RNGTT: variants seen among roughly 807,000 people sequenced by gnomAD.
The protein encoded by RNGTT is RNA guanylyltransferase and 5'-phosphatase.
A neutral mutation model predicts 79.3 loss-of-function variants in RNGTT; 33 were observed. That is an observed-to-expected ratio of 0.42 (90% CI 0.32 to 0.56). The LOEUF is 0.56. RNGTT is among the 20% of genes least tolerant of loss of function. The pLI, the probability that RNGTT is intolerant of heterozygous loss-of-function variation, is 0.17. For synonymous variants in RNGTT, 222 were observed against 235.9 expected (o/e 0.94, Z 0.54); for missense variants, 497 against 739.1 (o/e 0.67, Z 3.80).
At chr6:88,716,148 T>C (rs1776503661) in intron 13 of RNGTT, among the ~76,000 whole-genome samples, 1 of 151,886 alleles carries the variant, frequency 6.6e-6, no homozygotes, top group East Asian at 1.9e-4. Context: ...CATCAAAAAG[T>C]GGGCAAAGGA....
chr6:88,724,096 A>G (rs1315667526), intron 13 of RNGTT, among the ~76,000 whole-genome samples: 2 of 152,228 alleles, frequency 1.3e-5, no homozygotes, highest in African/African-American at 2.4e-5. Flanking sequence ...AAAAGTTTGT[A>G]AAGTAAAAAA....
At chr6:88,808,681 A>AG (rs1303582326) in intron 11 of RNGTT, among the ~76,000 whole-genome samples, 1 of 152,196 alleles carries the variant, frequency 6.6e-6, no homozygotes, top group Non-Finnish European at 1.5e-5. Flanking sequence ...GGGCAGAAGC[A>AG]GGCAGATAGC....
At chr6:88,950,047 TGAAAATACTAGGGCCCTTAA>T (rs1785189277) in intron 1 of RNGTT, among the ~76,000 whole-genome samples, 1 of 150,158 alleles carries the variant, frequency 6.7e-6, no homozygotes, top group Admixed American at 6.6e-5. Context: ...TTTACCATTC[TGAAAATACTAGGGCCCTTAA>T]GAATTATGCT....
chr6:88,959,105 G>A (rs1038498580), intron 1 of RNGTT, among the ~76,000 whole-genome samples: 1 of 152,114 alleles, frequency 6.6e-6, no homozygotes, highest in African/African-American at 2.4e-5. Context: ...AAGTAACTCA[G>A]GAATGGAAAC....
chr6:88,948,325 C>G (rs1454202806), intron 1 of RNGTT, among the ~76,000 whole-genome samples: 2 of 81,164 alleles, frequency 2.5e-5, no homozygotes, highest in Admixed American at 2.4e-4. Context: ...GTCAGCCCCC[C>G]GCCTGGCCAG....
chr6:88,622,894 T>G (rs576037611), intron 14 of RNGTT, among the ~76,000 whole-genome samples: 1 of 152,262 alleles, frequency 6.6e-6, no homozygotes, highest in African/African-American at 2.4e-5. Flanking sequence ...CTTTGGAATG[T>G]AGTCTAGTGT....
At chr6:88,917,042 CA>C (rs1293021735) in intron 4 of RNGTT, among the ~76,000 whole-genome samples, 1 of 152,216 alleles carries the variant, frequency 6.6e-6, no homozygotes, top group South Asian at 2.1e-4. Flanking sequence ...CATCTTATCT[CA>C]CTGCCACCTG....
chr6:88,679,103 A>G (rs1351189843), intron 13 of RNGTT, among the ~76,000 whole-genome samples: 2 of 152,140 alleles, frequency 1.3e-5, no homozygotes, highest in Admixed American at 6.6e-5. Flanking sequence ...ATGATGATGC[A>G]CCACCACTAT....
intron 4 of RNGTT, among the ~76,000 whole-genome samples, chr6:88,915,835 G>T (rs1424860405): frequency 6.6e-6 from 1 of 152,106 alleles, no homozygotes; most frequent in Non-Finnish European, 1.5e-5. Flanking sequence ...ATCTGGCAAA[G>T]GACTTATATC....
intron 4 of RNGTT, among the ~76,000 whole-genome samples, chr6:88,920,579 T>C (rs1477163012): frequency 6.6e-6 from 1 of 150,660 alleles, no homozygotes; most frequent in Non-Finnish European, 1.5e-5. Flanking sequence ...CAGCTTAAGG[T>C]AATACTGAGG....
At chr6:88,784,748 A>G (rs982190063) in intron 12 of RNGTT, among the ~76,000 whole-genome samples, 4 of 152,198 alleles carry the variant, frequency 2.6e-5, no homozygotes, top group African/African-American at 7.2e-5. Flanking sequence ...ATATCAATTA[A>G]TAAACCCTAT....
intron 8 of RNGTT, among the ~76,000 whole-genome samples, chr6:88,871,908 C>A (rs943142966): frequency 4.6e-5 from 7 of 152,118 alleles, no homozygotes; most frequent in Admixed American, 2.6e-4. Flanking sequence ...CATTCCCCCC[C>A]ATAAAAACAA....
rs75946143 is a variant in RNGTT at position 88,633,188 on chromosome 6, G to A, written c.1507-18793C>T. ...CCCCATTAGATGGTAAGCTCCTTGAGTGAACAAAACAAGTCATTTTGTTCA... is the reference window on the plus strand; with the variant it reads ...CCCCATTAGATGGTAAGCTCCTTGAATGAACAAAACAAGTCATTTTGTTCA... On this transcript the variant is annotated intron_variant, in intron 14 of 15. Coordinates refer to ENST00000369485, the MANE Select transcript of RNGTT (RefSeq NM_003800.5). Among the ~76,000 whole-genome samples, 678 of 151,946 alleles carry A rather than the reference G, an allele frequency of 4.5e-3. 2 individuals are homozygous for A. Among genetic ancestry groups the A allele is most frequent in the African/African-American group, 0.016 (643 of 41,412 alleles).
chr6:88,765,426 T>A (rs1198763089), intron 13 of RNGTT, among the ~76,000 whole-genome samples: 1 of 152,194 alleles, frequency 6.6e-6, no homozygotes, highest in Non-Finnish European at 1.5e-5. Context: ...TTATTGAGTT[T>A]TATGCTGAAT....
chr6:88,658,135 C>T (rs187639577), intron 14 of RNGTT, among the ~76,000 whole-genome samples: 377 of 152,296 alleles, frequency 2.5e-3, no homozygotes, highest in Middle Eastern at 6.8e-3. Context: ...GTCTGGAGGC[C>T]AGCCAACTCA....
chr6:88,669,179 G>A (rs1044662018), intron 14 of RNGTT, among the ~76,000 whole-genome samples: 8 of 152,012 alleles, frequency 5.3e-5, no homozygotes, highest in Admixed American at 1.3e-4. Context: ...ATCCACAAGC[G>A]CTCCCCCAAA....
chr6:88,894,789 A>T (rs1224838935), intron 6 of RNGTT, among the ~76,000 whole-genome samples: 1 of 152,204 alleles, frequency 6.6e-6, no homozygotes, highest in Non-Finnish European at 1.5e-5. Flanking sequence ...AACAGTGGCC[A>T]GATGTGGTGA....
At chr6:88,640,546 C>CAAA (rs71541174) in intron 14 of RNGTT, among the ~76,000 whole-genome samples, 2 of 67,942 alleles carry the variant, frequency 2.9e-5, no homozygotes, top group African/African-American at 1.1e-4. Flanking sequence ...GACCTTGTCT[C>CAAA]AAAAAAAAAA....
chr6:88,846,739 G>GAC (rs1355635032), intron 10 of RNGTT, among the ~76,000 whole-genome samples: 1 of 149,084 alleles, frequency 6.7e-6, no homozygotes, highest in Non-Finnish European at 1.5e-5. Flanking sequence ...CAGCCTGGGT[G>GAC]ACAGAGGAAG....
Sources: allele counts gnomAD v4.1 joint callset (sites outside exome capture counted in the v4.1 genomes callset), GRCh38; gene constraint gnomAD v4.1.1; transcripts MANE v1.5; gene names NCBI Gene and HGNC (gene_info 2026-07-23, HGNC 2026-07-21).